The following SNX1 variants were observed in gnomAD, a reference collection of about 807,000 sequenced individuals.
The protein encoded by SNX1 is sorting nexin-1.
In SNX1, 36 loss-of-function variants were observed where a neutral mutation model predicts 71.8. The ratio of observed to expected loss-of-function variants is 0.50; its 90% confidence interval spans 0.38 to 0.66. The LOEUF (loss-of-function observed/expected upper bound fraction) is 0.66, where lower values mean the gene tolerates loss of function less well. Among genes scored for constraint, SNX1 ranks in the 30% least tolerant of loss-of-function variants. The pLI, the probability that SNX1 is intolerant of heterozygous loss-of-function variation, is 0.00. For synonymous variants in SNX1, 254 were observed against 240.7 expected (o/e 1.06, Z -0.51); for missense variants, 612 against 646.7 (o/e 0.95, Z 0.58).
chr15:64,121,444 T>G (rs2081195875), intron 4 of SNX1, among the ~76,000 whole-genome samples: 1 of 152,190 alleles, frequency 6.6e-6, no homozygotes, highest in Non-Finnish European at 1.5e-5. Context: ...TGTGGCATCC[T>G]TCCTAAGCGT....
At chr15:64,105,102 G>T (rs1343343856) in intron 1 of SNX1, among the ~76,000 whole-genome samples, 1 of 151,390 alleles carries the variant, frequency 6.6e-6, no homozygotes, top group Non-Finnish European at 1.5e-5. Flanking sequence ...AGGCGTGGTG[G>T]TGCGTGCCTG....
Position 64,142,584 on chromosome 15 carries a change from G to A in SNX1, c.*4966G>A, listed in dbSNP as rs775948653. 297 of 455,210 alleles carry A rather than the reference G, an allele frequency of 6.5e-4. No individual in the cohort carries two copies. The highest frequency in any genetic ancestry group is 8.8e-4 in the Non-Finnish European group (198 of 226,266). The allele number at this position is 455,210 out of a possible 1,614,324, so 28.2% of individuals were successfully genotyped here. On this transcript the variant is annotated 3_prime_UTR_variant, in exon 15 of 15. Transcript: ENST00000559844. ...AGAATCTGTAGGTGGAGGGGAGGCC[G>A]AAGAGGGGAAGTTTCATGCTTGATA...
rs1351141984 is a variant in SNX1 at position 64,142,620 on chromosome 15, T to C, written c.*5002T>C. On this transcript the variant is annotated 3_prime_UTR_variant, in exon 15 of 15. Coordinates refer to ENST00000559844, the MANE Select transcript of SNX1 (RefSeq NM_003099.5). ...GTTTCATGCTTGATAATTAAAATTT[T>C]CTGAGATAGGAATGTCATATTTACC... The C allele has an allele frequency of 2.2e-6, 1 of 455,826 alleles. No individual in the cohort carries two copies. The highest frequency in any genetic ancestry group is 4.4e-6 in the Non-Finnish European group (1 of 226,772). The allele number at this position is 455,826 out of a possible 1,614,324, so 28.2% of individuals were successfully genotyped here.
chr15:64,109,736 G>A lies in SNX1; in HGVS notation c.160-2837G>A, dbSNP rs372349583. 4.3e-4 allele frequency among the ~76,000 whole-genome samples: 66 copies of A among 152,192 alleles called. 1 individual carries two copies. The East Asian group carries it at 0.012, about 28-fold the overall frequency. ...TTGGCCAGGCTGGTCTCAAACTCCT[G>A]ACCTCAGGTTATGTAGGCACCTCTG... is the stretch of plus-strand genomic sequence containing the variant. On this transcript the variant is annotated intron_variant, in intron 1 of 14. Coordinates refer to ENST00000559844, the MANE Select transcript of SNX1 (RefSeq NM_003099.5).
rs976569655 is a variant in SNX1, at chr15:64,138,401, CTCAGGGT to C, written c.*786_*792del. The C allele has an allele frequency of 1.9e-6, 1 of 520,782 alleles. No individual in the cohort carries two copies. Among genetic ancestry groups the C allele is most frequent in the Non-Finnish European group, 3.3e-6 (1 of 303,854 alleles). 32.3% of individuals were successfully genotyped at this position (520,782 alleles called of 1,614,324 possible). A position where few individuals can be genotyped will look rare whatever the true frequency, so the allele number is the denominator to read the frequency against. ...TTATTCTTCCTGCTTCCCTAAGCTG[CTCAGGGT>C]TCTCTGAGTCTTGCCCTCTGATGGC... is the stretch of plus-strand genomic sequence containing the variant. On this transcript the variant is annotated 3_prime_UTR_variant, in exon 15 of 15. Coordinates refer to ENST00000559844, the MANE Select transcript of SNX1 (RefSeq NM_003099.5).
At position 64,129,443 on chromosome 15, in the gene SNX1, C is replaced by G. The variant is rs1288459837; in HGVS notation, c.808-473C>G. Among the ~76,000 whole-genome samples, 1 of 152,162 alleles carries G rather than the reference C, an allele frequency of 6.6e-6. No homozygotes were observed. Among genetic ancestry groups the G allele is most frequent in the African/African-American group, 2.4e-5 (1 of 41,418 alleles). On this transcript the variant is annotated intron_variant, in intron 8 of 14. Coordinates refer to ENST00000559844, the MANE Select transcript of SNX1 (RefSeq NM_003099.5). This position sits in a 1 kb window ranked among gnomAD's most constrained non-coding sequence, Gnocchi z 4.4. ...CTACTAGGTTATCCCTGAAAGTAGC[C>G]TTGATCTGAATCAATAATTTTCTTG...
At chr15:64,132,036 A>T in intron 11 of SNX1, 144 bp downstream of exon 11, 1 of 774,170 alleles carries the variant, frequency 1.3e-6, no homozygotes, top group African/African-American at 1.7e-5. Context: ...GGTATCCTGT[A>T]AACCAAGCAA....
intron 1 of SNX1, among the ~76,000 whole-genome samples, chr15:64,106,035 AATTAAAATGATTTTAC>A (rs1359936153): frequency 6.6e-6 from 1 of 152,222 alleles, no homozygotes; most frequent in African/African-American, 2.4e-5. Context: ...AGTTTTAATA[AATTAAAATGATTTTAC>A]ATTAATAACA....
At chr15:64,133,686 G>A (rs1286247033) in intron 11 of SNX1, among the ~76,000 whole-genome samples, 1 of 152,252 alleles carries the variant, frequency 6.6e-6, no homozygotes, top group Non-Finnish European at 1.5e-5. Context: ...AGTGAGCCAA[G>A]ATCGCGCCAT....
At chr15:64,113,825 TAAAGAAAG>T (rs72145809) in intron 2 of SNX1, among the ~76,000 whole-genome samples, 9 of 149,034 alleles carry the variant, frequency 6.0e-5, no homozygotes, top group South Asian at 2.1e-4. Context: ...CATCTCAAAA[TAAAGAAAG>T]AAAGAAAGAG....
intron 11 of SNX1, 82 bp downstream of exon 11, chr15:64,131,974 A>G: frequency 7.0e-7 from 1 of 1,437,190 alleles, no homozygotes; most frequent in Non-Finnish European, 9.8e-7. Context: ...AGACAGTTTC[A>G]TCCCATTATA....
At chr15:64,104,973 G>A (rs1239782510) in intron 1 of SNX1, among the ~76,000 whole-genome samples, 1 of 151,258 alleles carries the variant, frequency 6.6e-6, no homozygotes, top group Non-Finnish European at 1.5e-5. Flanking sequence ...GGTGGCTCAC[G>A]CCTGTAATCC....
At position 64,112,638 on chromosome 15, in the gene SNX1, T is replaced by A; in HGVS notation, c.225T>A (p.Asn75Lys). Residue 75 changes from asparagine (N) to lysine (K), a missense_variant, in exon 2 of 15, where the codon AAT becomes AAA. This residue lies in a region of SNX1 where 316 missense variants were observed against 284.9 expected (regional missense o/e 1.11). Transcript: ENST00000559844. Reference sequence around the variant, plus strand: ...CCATCAACAATGGCTCCAAAGAAAATGGGATCCATGAAGAACAAGACCAAG... The same window carrying A: ...CCATCAACAATGGCTCCAAAGAAAAAGGGATCCATGAAGAACAAGACCAAG... ...LLPINNGSKE[N>K]GIHEEQDQEP... 6.2e-7 allele frequency: 1 copy of A among 1,613,042 alleles called. No individual in the cohort carries two copies. Among genetic ancestry groups the A allele is most frequent in the Non-Finnish European group, 8.5e-7 (1 of 1,179,658 alleles).
rs1180449303 is a variant in SNX1, at chr15:64,138,493, TGTGTGAAG to T, written c.*886_*893del. On this transcript the variant is annotated 3_prime_UTR_variant, in exon 15 of 15. Transcript: ENST00000559844. The stretch of plus-strand genomic sequence containing the variant: ...CCATCAAAACACATCCTCAGTAGAC[TGTGTGAAG>T]GTGTGAAGGTCTGATAATGACTTGA... 10 of 271,704 alleles carry T rather than the reference TGTGTGAAG, an allele frequency of 3.7e-5. No individual in the cohort carries two copies. The highest frequency in any genetic ancestry group is 7.3e-5 in the East Asian group (1 of 13,776). The allele number at this position is 271,704 out of a possible 1,614,324, so 16.8% of individuals were successfully genotyped here. A position where few individuals can be genotyped will look rare whatever the true frequency, so the allele number is the denominator to read the frequency against.
chr15:64,130,994 T>A (rs572455435), intron 10 of SNX1, among the ~76,000 whole-genome samples: 1 of 152,242 alleles, frequency 6.6e-6, no homozygotes, highest in African/African-American at 2.4e-5. Flanking sequence ...ATCTAAAAAA[T>A]TTATTATTAG....
intron 1 of SNX1, among the ~76,000 whole-genome samples, chr15:64,100,217 T>G (rs1440085070): frequency 6.6e-6 from 1 of 152,214 alleles, no homozygotes; most frequent in Non-Finnish European, 1.5e-5. Context: ...CAAGAGGCTT[T>G]GTTAGTTCAG....
In SNX1 at chr15:64,131,854, C is replaced by G; in HGVS notation, c.1183C>G (p.Leu395Val). The G allele has an allele frequency of 6.2e-7, 1 of 1,614,250 alleles. No individual in the cohort carries two copies. Among genetic ancestry groups the G allele is most frequent in the Non-Finnish European group, 8.5e-7 (1 of 1,180,042 alleles). Residue 395 changes from leucine to valine, a missense_variant, in exon 11 of 15, where the codon CTC becomes GTC. Coordinates refer to ENST00000559844, the MANE Select transcript of SNX1 (RefSeq NM_003099.5). ...ANNDFFLLAE[L>V]LSDYIRLLAI... Reference sequence around the variant, plus strand: ...CAATGACTTCTTCCTCCTTGCTGAGCTCCTGAGTGACTACATTCGCCTCCT... The same window carrying G: ...CAATGACTTCTTCCTCCTTGCTGAGGTCCTGAGTGACTACATTCGCCTCCT...
chr15:64,126,603 T>G (rs1186810048), intron 6 of SNX1, among the ~76,000 whole-genome samples: 1 of 152,080 alleles, frequency 6.6e-6, no homozygotes, highest in Non-Finnish European at 1.5e-5. Flanking sequence ...GTTTTTGAGG[T>G]GGAGTCTCGC....
rs544218375 is a variant in SNX1, at chr15:64,107,765, C to T, written c.160-4808C>T. The stretch of plus-strand genomic sequence containing the variant: ...AAAAGGAAAAAAAAAAAAGCAAGGG[C>T]GATTCTTTGGCATTATTTACTGTGT... On this transcript the variant is annotated intron_variant, in intron 1 of 14. Transcript: ENST00000559844. Among the ~76,000 whole-genome samples the T allele has an allele frequency of 2.7e-5, 4 of 150,930 alleles. No individual in the cohort carries two copies. The South Asian group carries it at 6.3e-4, about 24-fold the overall frequency.
Sources: gnomAD v4.1 joint callset for allele counts (sites outside exome capture counted in the v4.1 genomes callset) on GRCh38, gnomAD v4.1.1 for gene constraint, gnomAD v4.1.1 regional missense constraint, Gnocchi (gnomAD v3.1) non-coding constraint, MANE v1.5 for transcripts, NCBI Gene and HGNC (gene_info 2026-07-23, HGNC 2026-07-21) for gene names.